Variants in IARS2 observed in about 807,000 individuals in gnomAD.
The protein encoded by IARS2 is isoleucyl-tRNA synthetase 2, mitochondrial.
In IARS2, 56 loss-of-function variants were observed where a neutral mutation model predicts 126.3. The observed-to-expected ratio is 0.44, with a 90% CI of 0.36 to 0.55. The LOEUF (loss-of-function observed/expected upper bound fraction) is 0.55. IARS2 is among the 20% of genes least tolerant of loss of function. IARS2 has a pLI of 0.00. For synonymous variants in IARS2, 407 were observed against 441.1 expected (o/e 0.92, Z 0.97); for missense variants, 1,127 against 1,245.9 (o/e 0.90, Z 1.44).
chr1:220,132,086 G>C (rs1343968621), intron 14 of IARS2, among the ~76,000 whole-genome samples: 2 of 152,112 alleles, frequency 1.3e-5, no homozygotes, highest in Admixed American at 1.3e-4. Context: ...ATGAGCTACC[G>C]CAAGTGGCCT....
At chr1:220,097,125 A>C (rs894853986) in intron 2 of IARS2, among the ~76,000 whole-genome samples, 11 of 152,094 alleles carry the variant, frequency 7.2e-5, no homozygotes, top group African/African-American at 2.7e-4. Flanking sequence ...CAAGGAATGG[A>C]AGAGCCAACA....
At chr1:220,107,461 AT>A (rs1389372519) in intron 10 of IARS2, among the ~76,000 whole-genome samples, 2 of 152,208 alleles carry the variant, frequency 1.3e-5, no homozygotes, top group Non-Finnish European at 1.5e-5. Flanking sequence ...TAAATTACAC[AT>A]TCCCTACTCA....
At chr1:220,117,895 A>T (rs1345487830) in intron 12 of IARS2, 1 of 526,196 alleles carries the variant, frequency 1.9e-6, no homozygotes. Flanking sequence ...TAAAGAAATG[A>T]CAGACAAACT....
intron 15 of IARS2, among the ~76,000 whole-genome samples, chr1:220,136,138 C>G (rs1657370859): frequency 1.3e-5 from 2 of 151,980 alleles, no homozygotes; most frequent in South Asian, 4.1e-4. Context: ...CTAAGAATGA[C>G]TTTTTTTGTT....
At chr1:220,124,776 A>G (rs1434414285) in intron 12 of IARS2, among the ~76,000 whole-genome samples, 2 of 152,200 alleles carry the variant, frequency 1.3e-5, no homozygotes, top group African/African-American at 4.8e-5. Context: ...GAATGCATCT[A>G]TTTCAAGGTC....
At chr1:220,102,826 C>A in intron 7 of IARS2, 49 bp downstream of exon 7, 1 of 965,580 alleles carries the variant, frequency 1.0e-6, no homozygotes, top group Non-Finnish European at 1.7e-6. Context: ...AGAATGTATT[C>A]CATTATTAAC....
At chr1:220,131,346 T>G (rs1051644420) in intron 14 of IARS2, among the ~76,000 whole-genome samples, 3 of 151,894 alleles carry the variant, frequency 2.0e-5, no homozygotes, top group African/African-American at 7.3e-5. Flanking sequence ...TCGGTTAATT[T>G]TAATTAATTA....
rs772034605 is a variant in IARS2, at chr1:220,094,199, C to G, written c.-18C>G. 5.2e-6 allele frequency: 8 copies of G among 1,544,118 alleles called. No homozygotes were observed. The African/African-American group carries it at 6.9e-5, about 13-fold the overall frequency. On this transcript the variant is annotated 5_prime_UTR_variant, in exon 1 of 23. Transcript: ENST00000366922. ...TGGGGCGGGAGCGGAGGACCCCGCT[C>G]TCAGGGGTTGCCGGACCATGCGTTG...
intron 21 of IARS2, 124 bp from the exon 22 acceptor site, chr1:220,145,385 C>T (rs559711002): frequency 5.5e-6 from 4 of 732,024 alleles, no homozygotes; most frequent in Non-Finnish European, 2.1e-6. Flanking sequence ...GATGTTTGCT[C>T]AGGATGCAAT....
At chr1:220,095,323 G>C (rs1258102560) in intron 1 of IARS2, among the ~76,000 whole-genome samples, 3 of 152,206 alleles carry the variant, frequency 2.0e-5, no homozygotes, top group African/African-American at 7.2e-5. Context: ...ACAGGCCTGA[G>C]CCACTACGCC....
intron 3 of IARS2, among the ~76,000 whole-genome samples, chr1:220,101,448 C>G (rs575573348): frequency 1.3e-4 from 20 of 152,240 alleles, no homozygotes; most frequent in African/African-American, 4.8e-4. Context: ...GTAATCCTAG[C>G]ACTTTGGGAG....
chr1:220,134,423 T>C lies in IARS2; in HGVS notation c.1859T>C (p.Leu620Ser). 1 of 1,610,070 alleles carries C rather than the reference T, an allele frequency of 6.2e-7. No individual in the cohort carries two copies. Among genetic ancestry groups the C allele is most frequent in the Non-Finnish European group, 8.5e-7 (1 of 1,178,420 alleles). ...VLPGPDQRADLYLEGKDQLGG... is the reference protein window; with the variant it reads ...VLPGPDQRADSYLEGKDQLGG... ...TGAGGTCCTGACCAAAGAGCAGATT[T>C]GTACTTGGAAGGAAAAGACCAGCTC... The change falls in exon 15 of 23, where the codon TTG becomes TCG. Residue 620 changes from leucine to serine, a missense_variant. Physicochemically the swap from Leu to Ser is moderately radical, Grantham distance 145. Transcript: ENST00000366922.
At chr1:220,130,048 T>C (rs1208225336) in intron 14 of IARS2, among the ~76,000 whole-genome samples, 1 of 152,228 alleles carries the variant, frequency 6.6e-6, no homozygotes, top group Non-Finnish European at 1.5e-5. Flanking sequence ...ATAGCCATTC[T>C]GGGCTAACTG....
intron 10 of IARS2, among the ~76,000 whole-genome samples, chr1:220,110,218 C>G (rs1182952734): frequency 6.6e-6 from 1 of 152,050 alleles, no homozygotes; most frequent in Non-Finnish European, 1.5e-5. Flanking sequence ...CCACTGTGCC[C>G]TGCTAATTTT....
At chr1:220,118,074 C>A (rs764404453) in intron 12 of IARS2, 14 of 434,930 alleles carry the variant, frequency 3.2e-5, no homozygotes, top group African/African-American at 2.1e-4. Context: ...GGCTGAAAAT[C>A]TTTTTTTCTG....
intron 11 of IARS2, among the ~76,000 whole-genome samples, chr1:220,111,893 G>A (rs1409338099): frequency 6.6e-6 from 1 of 151,762 alleles, no homozygotes; most frequent in South Asian, 2.1e-4. Flanking sequence ...ATTTGTCAAT[G>A]TTAAAATTTG....
intron 1 of IARS2, among the ~76,000 whole-genome samples, chr1:220,095,614 C>T (rs925283023): frequency 2.0e-5 from 3 of 151,996 alleles, no homozygotes; most frequent in Non-Finnish European, 4.4e-5. Context: ...GAAAGCAGGC[C>T]CGTAAGTGCA....
At chr1:220,113,562 T>G (rs1180846446) in intron 11 of IARS2, among the ~76,000 whole-genome samples, 1 of 151,756 alleles carries the variant, frequency 6.6e-6, no homozygotes, top group East Asian at 1.9e-4. Flanking sequence ...GTTTTCAACC[T>G]TATTTTGGGA....
Position 220,125,287 on chromosome 1 carries a change from T to G in IARS2, c.1691T>G (p.Ile564Ser). ...CTAGTGGAACAACACGGCAGTGATA[T>G]CTGGTGGACTCTTCCCCCTGAACAA... Reference protein sequence around the residue: ...VKLVEQHGSDIWWTLPPEQLL... With the variant: ...VKLVEQHGSDSWWTLPPEQLL... The change falls in exon 13 of 23, where the codon ATC becomes AGC. Residue 564 changes from isoleucine to serine, a missense_variant. Coordinates refer to ENST00000366922, the MANE Select transcript of IARS2 (RefSeq NM_018060.4). 6.2e-7 allele frequency: 1 copy of G among 1,613,872 alleles called. No homozygotes were observed. The highest frequency in any genetic ancestry group is 8.5e-7 in the Non-Finnish European group (1 of 1,179,858).
Sources: allele counts gnomAD v4.1 joint callset (sites outside exome capture counted in the v4.1 genomes callset), GRCh38; gene constraint gnomAD v4.1.1; transcripts MANE v1.5; gene names NCBI Gene and HGNC (gene_info 2026-07-23, HGNC 2026-07-21).